PDZRN3: variants seen among roughly 807,000 people sequenced by gnomAD.
PDZRN3 encodes PDZ domain containing ring finger 3.
PDZRN3 carries 38 observed loss-of-function variants against 85.7 expected under a neutral mutation model. That is an observed-to-expected ratio of 0.44 (90% CI 0.34 to 0.58). The LOEUF (loss-of-function observed/expected upper bound fraction) is 0.58, where lower values mean the gene tolerates loss of function less well. Among genes scored for constraint, PDZRN3 ranks in the 20% least tolerant of loss-of-function variants. The pLI, the probability that PDZRN3 is intolerant of heterozygous loss-of-function variation, is 0.01. For missense variants in PDZRN3, 1,629 were observed against 1,506.4 expected, an observed-to-expected ratio of 1.08 and a Z score of -1.35; for synonymous variants, 759 against 638.0, an observed-to-expected ratio of 1.19 and a Z score of -2.86.
At chr3:73,490,941 T>C (rs1411116970) in intron 3 of PDZRN3, among the ~76,000 whole-genome samples, 1 of 152,216 alleles carries the variant, frequency 6.6e-6, no homozygotes, top group East Asian at 1.9e-4. Context: ...GGGGCTTCTA[T>C]TTCCTGCCCC....
chr3:73,415,427 G>C (rs1002135258), intron 3 of PDZRN3, among the ~76,000 whole-genome samples: 2 of 152,100 alleles, frequency 1.3e-5, no homozygotes. Context: ...CTTCAGGTTG[G>C]ACTTTGTTTT....
intron 3 of PDZRN3, among the ~76,000 whole-genome samples, chr3:73,578,015 G>A (rs911877908): frequency 4.6e-5 from 7 of 152,136 alleles, no homozygotes; most frequent in Non-Finnish European, 1.0e-4. Context: ...TTACCATCCG[G>A]CCCTTTACAG....
At chr3:73,398,942 C>T (rs746557622) in intron 5 of PDZRN3, among the ~76,000 whole-genome samples, 16 of 152,064 alleles carry the variant, frequency 1.1e-4, no homozygotes, top group Non-Finnish European at 1.9e-4. Flanking sequence ...ATAGAAAGCA[C>T]GTAAGAGTTC....
At chr3:73,568,674 G>C (rs577401318) in intron 3 of PDZRN3, among the ~76,000 whole-genome samples, 2 of 152,186 alleles carry the variant, frequency 1.3e-5, no homozygotes, top group Non-Finnish European at 1.5e-5. Context: ...AGCAGAGGCA[G>C]CTTGGGACTT....
chr3:73,477,970 C>A (rs1339621255), intron 3 of PDZRN3, among the ~76,000 whole-genome samples: 2 of 152,124 alleles, frequency 1.3e-5, no homozygotes, highest in Non-Finnish European at 2.9e-5. Context: ...TGGGGAAAAC[C>A]TGCCCCCATG....
intron 1 of PDZRN3, among the ~76,000 whole-genome samples, chr3:73,621,365 C>T (rs572332776): frequency 6.6e-6 from 1 of 152,310 alleles, no homozygotes; most frequent in Non-Finnish European, 1.5e-5. Context: ...TTCTAATCTC[C>T]TTCAGCTTAT....
At chr3:73,474,294 G>C (rs1332496868) in intron 3 of PDZRN3, among the ~76,000 whole-genome samples, 3 of 152,154 alleles carry the variant, frequency 2.0e-5, no homozygotes, top group Non-Finnish European at 4.4e-5. Context: ...CCCAGTGCTT[G>C]GCAGGTGCGC....
chr3:73,471,466 T>C lies in PDZRN3; in HGVS notation c.919-67071A>G, dbSNP rs577555099. ...CTCATATAGTATCTATGTAATAAAT[T>C]AATCTAGGGGCTTCTAGAGAACTTT... On this transcript the variant is annotated intron_variant, in intron 3 of 9. Coordinates refer to ENST00000263666, the MANE Select transcript of PDZRN3 (RefSeq NM_015009.3). Among the ~76,000 whole-genome samples the C allele has an allele frequency of 7.9e-5, 12 of 152,334 alleles. No individual in the cohort carries two copies. The South Asian group carries it at 1.5e-3, about 18-fold the overall frequency.
intron 3 of PDZRN3, among the ~76,000 whole-genome samples, chr3:73,595,548 GAA>G (rs1702419326): frequency 6.6e-6 from 1 of 152,090 alleles, no homozygotes; most frequent in Non-Finnish European, 1.5e-5. Flanking sequence ...GAAAGAAAAT[GAA>G]AAAATATATA....
intron 3 of PDZRN3, among the ~76,000 whole-genome samples, chr3:73,492,303 G>A (rs1206905168): frequency 3.3e-5 from 5 of 152,244 alleles, no homozygotes; most frequent in African/African-American, 1.2e-4. Flanking sequence ...CTCCTCCTGG[G>A]GATAACTAGG....
At chr3:73,451,019 G>A (rs758968103) in intron 3 of PDZRN3, among the ~76,000 whole-genome samples, 8 of 151,874 alleles carry the variant, frequency 5.3e-5, no homozygotes, top group Non-Finnish European at 1.2e-4. Context: ...TACCGTCACC[G>A]CCAATCCTGA....
At chr3:73,459,742 T>A (rs1395614059) in intron 3 of PDZRN3, among the ~76,000 whole-genome samples, 1 of 152,252 alleles carries the variant, frequency 6.6e-6, no homozygotes, top group East Asian at 1.9e-4. Context: ...ATTTTCTTTA[T>A]CGAATCTGTC....
intron 3 of PDZRN3, chr3:73,569,190 A>G (rs1422535148): frequency 7.8e-7 from 1 of 1,289,134 alleles, no homozygotes; most frequent in South Asian, 1.2e-5. Flanking sequence ...TCTTTGATTC[A>G]TCAGGAGGAA....
chr3:73,496,044 A>T (rs1048139661), intron 3 of PDZRN3, among the ~76,000 whole-genome samples: 4 of 152,138 alleles, frequency 2.6e-5, no homozygotes, highest in Non-Finnish European at 5.9e-5. Context: ...CTGTTCATCA[A>T]AGTACAGCCT....
chr3:73,556,677 C>A (rs2106818598), intron 3 of PDZRN3: 1 of 152,318 alleles, frequency 6.6e-6, no homozygotes, highest in East Asian at 1.9e-4. Flanking sequence ...GAGATGATTT[C>A]ATGCCAGGAA....
At chr3:73,385,331 A>T (rs936555645) in intron 9 of PDZRN3, among the ~76,000 whole-genome samples, 1 of 152,268 alleles carries the variant, frequency 6.6e-6, no homozygotes, top group African/African-American at 2.4e-5. Flanking sequence ...GAGAGCTCCA[A>T]GCAGCTCCTG....
chr3:73,468,451 T>C (rs993508921), intron 3 of PDZRN3, among the ~76,000 whole-genome samples: 7 of 152,048 alleles, frequency 4.6e-5, no homozygotes, highest in African/African-American at 1.5e-4. Context: ...ACTCTTTTTT[T>C]TTTTCTTTGA....
At chr3:73,412,491 T>G (rs909778065) in intron 3 of PDZRN3, among the ~76,000 whole-genome samples, 1 of 152,232 alleles carries the variant, frequency 6.6e-6, no homozygotes, top group African/African-American at 2.4e-5. Flanking sequence ...CATAGTCATT[T>G]ACATTTAAAA....
At chr3:73,503,229 T>C (rs934352648) in intron 3 of PDZRN3, among the ~76,000 whole-genome samples, 19 of 152,222 alleles carry the variant, frequency 1.2e-4, no homozygotes, top group African/African-American at 4.3e-4. Flanking sequence ...AAACCTATAC[T>C]TGTTTTAATG....
Sources: gnomAD v4.1 joint callset for allele counts (sites outside exome capture counted in the v4.1 genomes callset) on GRCh38, gnomAD v4.1.1 for gene constraint, MANE v1.5 for transcripts, NCBI Gene and HGNC (gene_info 2026-07-23, HGNC 2026-07-21) for gene names.